Variants in SRFBP1 observed in about 807,000 individuals in gnomAD.
The protein encoded by SRFBP1 is serum response factor-binding protein 1.
Under a neutral mutation model 45.5 loss-of-function variants are expected in SRFBP1, and 47 were observed. That is an observed-to-expected ratio of 1.03 (90% CI 0.82 to 1.32). The LOEUF is 1.32. Among genes scored for constraint, SRFBP1 ranks in the 40% most tolerant of loss-of-function variants. The probability of loss-of-function intolerance (pLI) is 0.00; values close to 1 mark genes in which losing one functional copy is unlikely to be tolerated. For missense variants in SRFBP1, 621 were observed against 484.6 expected, an observed-to-expected ratio of 1.28 and a Z score of -2.64; for synonymous variants, 203 against 166.3, an observed-to-expected ratio of 1.22 and a Z score of -1.70.
intron 4 of SRFBP1, among the ~76,000 whole-genome samples, chr5:121,997,246 A>G (rs1237108569): frequency 2.7e-5 from 4 of 148,658 alleles, no homozygotes; most frequent in African/African-American, 7.5e-5. Context: ...GAGGCATCAC[A>G]CTACCTGACT....
At chr5:122,036,639 G>T (rs924734256) in intron 2 of SRFBP1, among the ~76,000 whole-genome samples, 1 of 152,144 alleles carries the variant, frequency 6.6e-6, no homozygotes, top group Non-Finnish European at 1.5e-5. Flanking sequence ...GATTGACCCT[G>T]TGTAAAAACC....
Position 122,020,315 on chromosome 5 carries a change from G to C in SRFBP1, c.580G>C (p.Gly194Arg). ...SKEKIAKMEH[G>R]PKAVTIANSP... Reference sequence around the variant, plus strand: ...GGAAAAAATAGCAAAGATGGAACATGGACCTAAAGCAGTGACTATTGCAAA... The same window carrying C: ...GGAAAAAATAGCAAAGATGGAACATCGACCTAAAGCAGTGACTATTGCAAA... The change falls in exon 6 of 8, where the codon GGA becomes CGA. Residue 194 changes from glycine (G) to arginine (R), a missense_variant. Coordinates refer to ENST00000339397, the MANE Select transcript of SRFBP1 (RefSeq NM_152546.3). 1 of 1,613,218 alleles carries C rather than the reference G, an allele frequency of 6.2e-7. No homozygotes were observed. Among genetic ancestry groups the C allele is most frequent in the Non-Finnish European group, 8.5e-7 (1 of 1,179,798 alleles).
chr5:122,078,180 G>C, downstream of SRFBP1: 1 of 477,778 alleles, frequency 2.1e-6, no homozygotes, highest in Non-Finnish European at 3.5e-6. Context: ...GCTCGGACGT[G>C]GCACCCTTCC....
chr5:122,037,643 A>C (rs1042841772), intron 2 of SRFBP1, among the ~76,000 whole-genome samples: 1 of 152,036 alleles, frequency 6.6e-6, no homozygotes, highest in African/African-American at 2.4e-5. Flanking sequence ...GCCACATGCT[A>C]ACACACCTGG....
chr5:122,009,809 CTCAA>C (rs1753053266), intron 4 of SRFBP1, among the ~76,000 whole-genome samples: 1 of 149,458 alleles, frequency 6.7e-6, no homozygotes, highest in South Asian at 2.1e-4. Context: ...CCCATAATCT[CTCAA>C]GGGAAAATAT....
rs1219751557 is a variant in SRFBP1, at chr5:122,002,996, A to G, written c.270+8326A>G. Among the ~76,000 whole-genome samples the G allele has an allele frequency of 2.0e-5, 3 of 152,148 alleles. No homozygotes were observed. In the East Asian group the frequency reaches 5.8e-4, roughly 29 times the overall value. ...TGTCTTTGTCAGAAAAGCAACACCA[A>G]AGTTATGAGTGCAGTTTTGCAGTGA... On this transcript the variant is annotated intron_variant, in intron 4 of 7. Transcript: ENST00000339397.
chr5:122,077,852 T>C (rs1754688465), downstream of SRFBP1: 3 of 1,544,366 alleles, frequency 1.9e-6, no homozygotes, highest in Non-Finnish European at 2.6e-6. The surrounding 1 kb of genome is among the most constrained non-coding windows in gnomAD (Gnocchi z 4.9). Context: ...CCATTGGATC[T>C]GCTGGCGCCA....
At chr5:122,007,238 G>A (rs575954121) in intron 4 of SRFBP1, among the ~76,000 whole-genome samples, 1 of 152,068 alleles carries the variant, frequency 6.6e-6, no homozygotes, top group East Asian at 1.9e-4. Flanking sequence ...AGGCTGGGCT[G>A]GAGACACAGT....
chr5:121,992,102 T>TG (rs1752633008), intron 3 of SRFBP1, among the ~76,000 whole-genome samples: 2 of 152,076 alleles, frequency 1.3e-5, no homozygotes, highest in Admixed American at 6.6e-5. Flanking sequence ...ACAAATTTAG[T>TG]GGCATAAAAC....
chr5:122,033,798 T>C (rs965760257), intron 2 of SRFBP1, among the ~76,000 whole-genome samples: 1 of 151,364 alleles, frequency 6.6e-6, no homozygotes, highest in Non-Finnish European at 1.5e-5. Flanking sequence ...CTGGAAGACC[T>C]TAGATATTCT....
chr5:122,074,913 C>T (rs778394164), intron 2 of SRFBP1, among the ~76,000 whole-genome samples: 1 of 152,130 alleles, frequency 6.6e-6, no homozygotes, highest in Non-Finnish European at 1.5e-5. Flanking sequence ...TGCAAAAATC[C>T]TTAAATTTAG....
intron 4 of SRFBP1, among the ~76,000 whole-genome samples, chr5:122,012,418 A>C (rs1380877591): frequency 2.0e-5 from 3 of 152,122 alleles, no homozygotes; most frequent in African/African-American, 7.2e-5. Context: ...TTCAAATACA[A>C]GTGTAATATT....
chr5:121,992,547 G>A (rs1410493387), intron 3 of SRFBP1, among the ~76,000 whole-genome samples: 1 of 152,094 alleles, frequency 6.6e-6, no homozygotes, highest in South Asian at 2.1e-4. Context: ...CATCAGCAAA[G>A]TCCCTTCTGC....
chr5:121,965,181 C>T (rs984309327), intron 1 of SRFBP1, among the ~76,000 whole-genome samples: 1 of 152,140 alleles, frequency 6.6e-6, no homozygotes, highest in Non-Finnish European at 1.5e-5. Context: ...TGTGAAGAAG[C>T]TCTTTAGTTT....
chr5:121,964,814 G>A (rs1297562496), intron 1 of SRFBP1, among the ~76,000 whole-genome samples: 2 of 152,172 alleles, frequency 1.3e-5, no homozygotes, highest in Admixed American at 6.5e-5. Context: ...CACCAACAGT[G>A]TAAAAGCATT....
intron 2 of SRFBP1, among the ~76,000 whole-genome samples, chr5:122,037,329 T>C (rs1051433252): frequency 6.6e-6 from 1 of 152,224 alleles, no homozygotes; most frequent in Non-Finnish European, 1.5e-5. Context: ...ATTATTTGTC[T>C]CTAATCCAGG....
intron 1 of SRFBP1, among the ~76,000 whole-genome samples, chr5:121,965,667 A>G (rs1157751154): frequency 6.6e-6 from 1 of 152,188 alleles, no homozygotes; most frequent in African/African-American, 2.4e-5. Context: ...TGTCTTGGCT[A>G]TGCAGGCTCT....
intron 2 of SRFBP1, among the ~76,000 whole-genome samples, chr5:122,069,757 T>A (rs181361221): frequency 2.8e-4 from 43 of 152,246 alleles, no homozygotes; most frequent in Admixed American, 2.4e-3. Context: ...CCACTCTACA[T>A]ATTGAGCAAT....
chr5:122,057,678 A>C (rs1754107455), intron 2 of SRFBP1, among the ~76,000 whole-genome samples: 1 of 152,004 alleles, frequency 6.6e-6, no homozygotes, highest in Non-Finnish European at 1.5e-5. Flanking sequence ...TAATGAATCT[A>C]GCAATGTTCA....
Sources: gnomAD v4.1 joint callset for allele counts (sites outside exome capture counted in the v4.1 genomes callset) on GRCh38, gnomAD v4.1.1 for gene constraint, Gnocchi (gnomAD v3.1) non-coding constraint, MANE v1.5 for transcripts, NCBI Gene and HGNC (gene_info 2026-07-23, HGNC 2026-07-21) for gene names.